Variants in ZFTRAF1 observed in about 807,000 individuals in gnomAD.
ZFTRAF1 encodes zinc finger TRAF-type-containing protein 1.
chr8:144,456,436 C>G, the ZFTRAF1 span: 2 of 152,504 alleles, frequency 1.3e-5, no homozygotes, highest in South Asian at 2.1e-4. Context: ...CAACACCCAA[C>G]AGAAGCTGGG....
the ZFTRAF1 span, chr8:144,452,131 A>G: frequency 1.7e-6 from 1 of 596,594 alleles, no homozygotes; most frequent in Non-Finnish European, 3.0e-6. Flanking sequence ...GGCTGCTGTG[A>G]GAGCCACACA....
the ZFTRAF1 span, chr8:144,452,396 G>T: frequency 1.3e-6 from 2 of 1,550,216 alleles, no homozygotes; most frequent in East Asian, 2.4e-5. Context: ...GCAGGCTGAA[G>T]ATGCTGTTGT....
the ZFTRAF1 span, among the ~76,000 whole-genome samples, chr8:144,461,704 A>C: frequency 2.0e-5 from 3 of 152,196 alleles, no homozygotes; most frequent in African/African-American, 7.2e-5. Flanking sequence ...ACAAACAGCA[A>C]TCCCCTCTCC....
At chr8:144,453,150 C>T in the ZFTRAF1 span, 21,095 of 1,378,954 alleles carry the variant, frequency 0.015, 267 homozygotes, top group Middle Eastern at 0.045. Context: ...GCACAGGGCC[C>T]TGCTGCACCA....
At chr8:144,462,411 G>T in the ZFTRAF1 span, 1 of 370,328 alleles carries the variant, frequency 2.7e-6, no homozygotes, top group South Asian at 8.7e-5. Flanking sequence ...TCGGCTGCCC[G>T]CAGCCGCTTC....
the ZFTRAF1 span, chr8:144,455,168 A>G: frequency 6.6e-6 from 1 of 152,150 alleles, no homozygotes; most frequent in Non-Finnish European, 1.5e-5. Context: ...TACAAAAATT[A>G]GCCATGCATG....
At chr8:144,461,488 G>A in the ZFTRAF1 span, among the ~76,000 whole-genome samples, 2 of 152,212 alleles carry the variant, frequency 1.3e-5, no homozygotes, top group South Asian at 2.1e-4. Flanking sequence ...CTTAAGGGCT[G>A]AGTCCCACTG....
chr8:144,457,172 G>A, the ZFTRAF1 span: 1 of 150,750 alleles, frequency 6.6e-6, no homozygotes, highest in East Asian at 2.0e-4. Context: ...CATCACAGGG[G>A]AATGATGTCA....
the ZFTRAF1 span, chr8:144,453,493 G>C: frequency 6.5e-7 from 1 of 1,527,264 alleles, no homozygotes; most frequent in South Asian, 1.2e-5. Flanking sequence ...GAAGCTCACA[G>C]ACCTGCGGGC....
the ZFTRAF1 span, chr8:144,452,710 A>G: frequency 2.4e-5 from 18 of 754,150 alleles, no homozygotes; most frequent in Non-Finnish European, 3.8e-5. Flanking sequence ...CCCCAGGATG[A>G]GGTCAGAGTG....
At chr8:144,459,846 C>G in the ZFTRAF1 span, among the ~76,000 whole-genome samples, 1 of 152,228 alleles carries the variant, frequency 6.6e-6, no homozygotes, top group Non-Finnish European at 1.5e-5. Context: ...TCAGGAAAAG[C>G]GTTCTAGCAG....
the ZFTRAF1 span, chr8:144,451,755 G>A: frequency 6.0e-6 from 1 of 166,476 alleles, no homozygotes; most frequent in Non-Finnish European, 1.3e-5. Flanking sequence ...GGTGGCAGCG[G>A]CCCAGAGAGC....
chr8:144,458,973 T>C, the ZFTRAF1 span, among the ~76,000 whole-genome samples: 81 of 152,312 alleles, frequency 5.3e-4, no homozygotes, highest in Non-Finnish European at 9.4e-4. Flanking sequence ...GTGGGAACAA[T>C]GCGCAGTCCC....
chr8:144,455,253 T>C, the ZFTRAF1 span: 1 of 152,150 alleles, frequency 6.6e-6, no homozygotes, highest in Non-Finnish European at 1.5e-5. Flanking sequence ...AGGCGGAGGT[T>C]GCAGTGAGCC....
chr8:144,452,346 C>T, the ZFTRAF1 span: 44 of 1,546,982 alleles, frequency 2.8e-5, no homozygotes, highest in South Asian at 3.0e-4. Context: ...CAGCAGGCGG[C>T]GGGGCGCCTC....
At chr8:144,461,518 G>C in the ZFTRAF1 span, among the ~76,000 whole-genome samples, 1 of 151,236 alleles carries the variant, frequency 6.6e-6, no homozygotes, top group Non-Finnish European at 1.5e-5. Context: ...TGTGAAGATG[G>C]GGGAGGAGGG....
At chr8:144,450,067 G>A in the ZFTRAF1 span, 5 of 400,162 alleles carry the variant, frequency 1.2e-5, no homozygotes, top group East Asian at 2.4e-4. Context: ...GGCTGGGGCA[G>A]GGTCGCTGTG....
chr8:144,458,215 T>G, the ZFTRAF1 span, among the ~76,000 whole-genome samples: 1 of 152,260 alleles, frequency 6.6e-6, no homozygotes, highest in South Asian at 2.1e-4. Context: ...GTCCCTCACC[T>G]GCTACTGCTG....
the ZFTRAF1 span, chr8:144,453,943 G>A: frequency 2.8e-3 from 448 of 162,730 alleles, no homozygotes; most frequent in Non-Finnish European, 5.2e-3. Context: ...GGGTTGAGAG[G>A]ACTTGGCTCA....
Sources: allele counts gnomAD v4.1 joint callset (sites outside exome capture counted in the v4.1 genomes callset), GRCh38; gene constraint gnomAD v4.1.1; transcripts MANE v1.5; gene names NCBI Gene and HGNC (gene_info 2026-07-23, HGNC 2026-07-21).